C1QTNF5: variants seen among roughly 807,000 people sequenced by gnomAD.
The protein encoded by C1QTNF5 is complement C1q tumor necrosis factor-related protein 5.
Under a neutral mutation model 10.9 loss-of-function variants are expected in C1QTNF5, and 5 were observed. That is an observed-to-expected ratio of 0.46 (90% CI 0.24 to 0.97). C1QTNF5 has a LOEUF of 0.97. Ranked by LOEUF, C1QTNF5 falls within the 50% of genes least tolerant of loss-of-function variation. The pLI is 0.19. For missense variants in C1QTNF5, 281 were observed against 339.4 expected (o/e 0.83, Z 1.35); for synonymous variants, 161 against 156.5 (o/e 1.03, Z -0.22).
upstream of C1QTNF5, chr11:119,341,874 C>T: frequency 3.1e-6 from 5 of 1,614,030 alleles, no homozygotes; most frequent in Non-Finnish European, 4.2e-6. Flanking sequence ...CCGCTGAGGA[C>T]CTCTACCACC....
In C1QTNF5 at chr11:119,339,786, C is replaced by A; in HGVS notation, c.277G>T (p.Gly93Trp). The A allele has an allele frequency of 6.6e-7, 1 of 1,513,084 alleles. No homozygotes were observed. The highest frequency in any genetic ancestry group is 8.8e-7 in the Non-Finnish European group (1 of 1,135,388). 93.7% of individuals were successfully genotyped at this position (1,513,084 alleles called of 1,614,324 possible). A position where few individuals can be genotyped will look rare whatever the true frequency, so the allele number is the denominator to read the frequency against. Residue 93 changes from glycine to tryptophan, a missense_variant, in exon 3 of 3, where the codon GGG becomes TGG. Gly to Trp is a radical substitution (Grantham distance 184). Coordinates refer to ENST00000528368, the MANE Select transcript of C1QTNF5 (RefSeq NM_001278431.2). This position sits in a 1 kb window ranked among gnomAD's most constrained non-coding sequence, Gnocchi z 5.4. ...GGCACCGAGCACTCCCCGGCAGGCCCGGTGGGCCCCGCGGGTCCCGCCTCT... is the reference window on the plus strand; with the variant it reads ...GGCACCGAGCACTCCCCGGCAGGCCAGGTGGGCCCCGCGGGTCCCGCCTCT... ...RGEAGPAGPT[G>W]PAGECSVPPR...
At chr11:119,345,459 C>T (rs141474039), upstream of C1QTNF5, 58 of 1,613,930 alleles carry the variant, frequency 3.6e-5, no homozygotes, top group South Asian at 1.1e-4. Context: ...GAGTTCCAAG[C>T]GATCAAAAAG....
chr11:119,344,434 G>A (rs756984694), upstream of C1QTNF5: 10 of 1,591,714 alleles, frequency 6.3e-6, no homozygotes, highest in Admixed American at 1.7e-5. Flanking sequence ...TAGGATCTGT[G>A]CCTCCATCCA....
chr11:119,339,683 C>T lies in C1QTNF5; in HGVS notation c.380G>A (p.Arg127His). 6.2e-7 allele frequency: 1 copy of T among 1,610,122 alleles called. No homozygotes were observed. Residue 127 changes from arginine to histidine, a missense_variant, in exon 3 of 3, where the codon CGC (arginine) becomes CAC (histidine). Arg to His is a conservative substitution (Grantham distance 29). Transcript: ENST00000528368. This position sits in a 1 kb window ranked among gnomAD's most constrained non-coding sequence, Gnocchi z 5.4. ...ATGTCCCTGCTCGTTCACCAGCACG[C>T]GGTCGAAGGGCAAGGGTGCGTCAGA... ...PPSDAPLPFD[R>H]VLVNEQGHYD...
At chr11:119,340,088 C>T in intron 2 of C1QTNF5, 96 bp downstream of exon 2, 1 of 1,390,598 alleles carries the variant, frequency 7.2e-7, no homozygotes. Context: ...AGTGGCGCCC[C>T]CTGGCGGGAG....
At position 119,339,593 on chromosome 11, in the gene C1QTNF5, G is replaced by A; in HGVS notation, c.470C>T (p.Ala157Val). 1 of 1,613,330 alleles carries A rather than the reference G, an allele frequency of 6.2e-7. No homozygotes were observed. Among genetic ancestry groups the A allele is most frequent in the Admixed American group, 1.7e-5 (1 of 60,036 alleles). The change falls in exon 3 of 3, where the codon GCC becomes GTC. Residue 157 changes from alanine (A) to valine (V), a missense_variant. By Grantham distance (64) the Ala-to-Val change is moderately conservative. Coordinates refer to ENST00000528368, the MANE Select transcript of C1QTNF5 (RefSeq NM_001278431.2). The surrounding 1 kb of genome is among the most constrained non-coding windows in gnomAD (Gnocchi z 5.4). ...CTGCAGGCTGGCCCGGTAGACGGTG[G>A]CATGGACGGCGAAGTAGTAGACCCC... ...VPGVYYFAVH[A>V]TVYRASLQFD...
At chr11:119,343,019 A>G (rs1276036323), upstream of C1QTNF5, 1 of 1,592,376 alleles carries the variant, frequency 6.3e-7, no homozygotes, top group African/African-American at 1.3e-5. Flanking sequence ...CAAAGCAGAC[A>G]GCTGTTCTGG....
rs1950496153 is a variant in C1QTNF5, at chr11:119,340,811, C to T, written c.-160G>A. ...GGCCAGGCGCCCCCTGCCCTGCCGT[C>T]ACCCCAGTCCTGGTTCGCTCCCTGC... On this transcript the variant is annotated 5_prime_UTR_variant, in exon 1 of 3. Coordinates refer to ENST00000528368, the MANE Select transcript of C1QTNF5 (RefSeq NM_001278431.2). 4.2e-6 allele frequency: 1 copy of T among 236,952 alleles called. No individual in the cohort carries two copies. Among genetic ancestry groups the T allele is most frequent in the Admixed American group, 5.9e-5 (1 of 16,978 alleles). 14.7% of individuals were successfully genotyped at this position (236,952 alleles called of 1,614,324 possible).
upstream of C1QTNF5, chr11:119,342,819 T>C: frequency 6.2e-7 from 1 of 1,613,108 alleles, no homozygotes; most frequent in Non-Finnish European, 8.5e-7. Flanking sequence ...AGCCCTTGTC[T>C]GTCCCCCTGG....
upstream of C1QTNF5, chr11:119,344,006 C>T: frequency 1.2e-6 from 2 of 1,608,142 alleles, no homozygotes; most frequent in Non-Finnish European, 1.7e-6. Context: ...GCCCCTTCTC[C>T]TGTCTCATCC....
chr11:119,345,736 G>A (rs1343935593), upstream of C1QTNF5: 1 of 1,612,886 alleles, frequency 6.2e-7, no homozygotes, highest in African/African-American at 1.3e-5. Context: ...CCGTCATCTT[G>A]GGCCCTTCTC....
In C1QTNF5 at chr11:119,339,465, C is replaced by T. The variant is rs763473287; in HGVS notation, c.598G>A (p.Glu200Lys). ...TGCACCCACACTTGGTCCTCAGGCT[C>T]CAGCCTCACCATGGCCCCCCCCGAG... ...SLSGGAMVRL[E>K]PEDQVWVQVG... Residue 200 changes from glutamate (E) to lysine (K), a missense_variant, in exon 3 of 3, where the codon GAG becomes AAG. By Grantham distance (56) the Glu-to-Lys change is moderately conservative. Transcript: ENST00000528368. The surrounding 1 kb of genome is among the most constrained non-coding windows in gnomAD (Gnocchi z 5.4). The T allele has an allele frequency of 6.2e-7, 1 of 1,613,798 alleles. No homozygotes were observed. Among genetic ancestry groups the T allele is most frequent in the Non-Finnish European group, 8.5e-7 (1 of 1,179,998 alleles).
chr11:119,346,137 C>T, the C1QTNF5 span: 1 of 1,599,366 alleles, frequency 6.3e-7, no homozygotes, highest in Non-Finnish European at 8.5e-7. Flanking sequence ...GGCAGTCTGG[C>T]CGTAGCCCTC....
At chr11:119,343,815 C>T, upstream of C1QTNF5, 22 of 1,613,852 alleles carry the variant, frequency 1.4e-5, no homozygotes, top group Non-Finnish European at 1.9e-5. Context: ...GGCTCCTGTA[C>T]CTGCCCAGGA....
upstream of C1QTNF5, chr11:119,344,661 T>C (rs1565294747): frequency 6.2e-7 from 1 of 1,614,044 alleles, no homozygotes; most frequent in East Asian, 2.2e-5. Flanking sequence ...ATTGGTCTCA[T>C]CACTGCCGTC....
chr11:119,340,247 C>T lies in C1QTNF5; in HGVS notation c.151G>A (p.Gly51Ser). ...GGCGCGCCGTCGCGGCCGTCGCGGC[C>T]ATCGCGGCCCGGCAAGCCCTGGCTG... ...HGSQGLPGRD[G>S]RDGRDGAPGA... Residue 51 changes from glycine (G) to serine (S), a missense_variant, in exon 2 of 3, where the codon GGC becomes AGC. Gly to Ser is a moderately conservative substitution (Grantham distance 56). Coordinates refer to ENST00000528368, the MANE Select transcript of C1QTNF5 (RefSeq NM_001278431.2). The T allele has an allele frequency of 6.6e-7, 1 of 1,515,342 alleles. No homozygotes were observed. The highest frequency in any genetic ancestry group is 2.7e-5 in the East Asian group (1 of 36,926). The allele number at this position is 1,515,342 out of a possible 1,614,324, so 93.9% of individuals were successfully genotyped here. A position where few individuals can be genotyped will look rare whatever the true frequency, so the allele number is the denominator to read the frequency against.
upstream of C1QTNF5, chr11:119,343,018 C>G: frequency 5.0e-6 from 8 of 1,593,106 alleles, no homozygotes; most frequent in Non-Finnish European, 6.8e-6. Context: ...CCAAAGCAGA[C>G]AGCTGTTCTG....
At chr11:119,342,172 C>G (rs1950509312), upstream of C1QTNF5, among the ~76,000 whole-genome samples, 1 of 152,204 alleles carries the variant, frequency 6.6e-6, no homozygotes, top group African/African-American at 2.4e-5. Flanking sequence ...AGAGCCTGCT[C>G]CAGCATCGCT....
chr11:119,344,204 G>A, upstream of C1QTNF5: 2 of 1,135,680 alleles, frequency 1.8e-6, no homozygotes, highest in Non-Finnish European at 2.7e-6. Context: ...CTTGATCTCT[G>A]ACCTTCCCAA....
Sources: gnomAD v4.1 joint callset for allele counts (sites outside exome capture counted in the v4.1 genomes callset) on GRCh38, gnomAD v4.1.1 for gene constraint, Gnocchi (gnomAD v3.1) non-coding constraint, MANE v1.5 for transcripts, NCBI Gene and HGNC (gene_info 2026-07-23, HGNC 2026-07-21) for gene names.